The following ATAD3A variants were observed in gnomAD, a reference collection of about 807,000 sequenced individuals.
The protein encoded by ATAD3A is ATPase family AAA domain-containing protein 3A.
Under a neutral mutation model 73.8 loss-of-function variants are expected in ATAD3A, and 46 were observed. The ratio of observed to expected loss-of-function variants is 0.62; its 90% CI spans 0.49 to 0.80. ATAD3A has a LOEUF of 0.80. ATAD3A is among the 30% of genes least tolerant of loss of function. ATAD3A has a pLI of 0.00. For missense variants in ATAD3A, 705 were observed against 838.0 expected (o/e 0.84, Z 1.96); for synonymous variants, 319 against 350.0 (o/e 0.91, Z 0.99).
chr1:1,520,733 A>G lies in ATAD3A; in HGVS notation c.750+116A>G. 6.6e-7 allele frequency: 1 copy of G among 1,519,394 alleles called. No homozygotes were observed. The highest frequency in any genetic ancestry group is 9.0e-7 in the Non-Finnish European group (1 of 1,111,982). 94.1% of individuals were successfully genotyped at this position (1,519,394 alleles called of 1,614,324 possible). A position where few individuals can be genotyped will look rare whatever the true frequency, so the allele number is the denominator to read the frequency against. On this transcript the variant is annotated intron_variant, in intron 7 of 15. Coordinates refer to ENST00000378756, the MANE Select transcript of ATAD3A (RefSeq NM_001170535.3). This position sits in a 1 kb window ranked among gnomAD's most constrained non-coding sequence, Gnocchi z 4.0. ...TGCACAGCCCTGTAGCTCTCCCAGC[A>G]GGGAGGAAGCCCACGTTGTACCTGC...
In ATAD3A at chr1:1,512,283, C is replaced by T. The variant is rs762276120; in HGVS notation, c.15C>T (p.Phe5=). The T allele has an allele frequency of 1.6e-6, 2 of 1,273,750 alleles. No homozygotes were observed. Among genetic ancestry groups the T allele is most frequent in the African/African-American group, 1.5e-5 (1 of 65,308 alleles). 78.9% of individuals were successfully genotyped at this position (1,273,750 alleles called of 1,614,324 possible). A position where few individuals can be genotyped will look rare whatever the true frequency, so the allele number is the denominator to read the frequency against. MSWL[F]GINKGPKGEG... ...GCGGTGCGAGCATGTCGTGGCTCTT[C>T]GGCATTAACAAGGGCCCCAAGGGTG... The change falls in exon 1 of 16, where the codon TTC becomes TTT. Residue 5 remains phenylalanine (F), a synonymous_variant. Coordinates refer to ENST00000378756, the MANE Select transcript of ATAD3A (RefSeq NM_001170535.3).
chr1:1,529,276 G>A lies in ATAD3A; in HGVS notation c.1559G>A (p.Arg520Gln), dbSNP rs1217518616. 4.4e-6 allele frequency: 7 copies of A among 1,607,812 alleles called. No homozygotes were observed. The highest frequency in any genetic ancestry group is 1.6e-4 in the Middle Eastern group (1 of 6,078). Reference sequence around the variant, plus strand: ...GGGAGGAAGTGCTCGGAGGTCGCTCGGCTGACGGAGGGCATGTCGGGCCGG... The same window carrying A: ...GGGAGGAAGTGCTCGGAGGTCGCTCAGCTGACGGAGGGCATGTCGGGCCGG... ...DYGRKCSEVA[R>Q]LTEGMSGREI... The change falls in exon 15 of 16, where the codon CGG (arginine) becomes CAG (glutamine). Residue 520 changes from arginine to glutamine, a missense_variant. Coordinates refer to ENST00000378756, the MANE Select transcript of ATAD3A (RefSeq NM_001170535.3).
rs756589165 is a variant in ATAD3A at position 1,520,326 on chromosome 1, G to A, written c.680+20G>A. Reference sequence around the variant, plus strand: ...CATCAGGTGAGCACTGCCGAGGCCCGGGCCGGCCACAGATGGAGCCCCGCA... The same window carrying A: ...CATCAGGTGAGCACTGCCGAGGCCCAGGCCGGCCACAGATGGAGCCCCGCA... On this transcript the variant is annotated intron_variant, in intron 6 of 15. Transcript: ENST00000378756. This position sits in a 1 kb window ranked among gnomAD's most constrained non-coding sequence, Gnocchi z 4.0. 69 of 1,606,922 alleles carry A rather than the reference G, an allele frequency of 4.3e-5. No homozygotes were observed. Among genetic ancestry groups the A allele is most frequent in the Non-Finnish European group, 5.5e-5 (65 of 1,174,794 alleles).
chr1:1,517,067 G>C (rs1641382289), intron 2 of ATAD3A: 1 of 1,506,440 alleles, frequency 6.6e-7, no homozygotes, highest in African/African-American at 1.4e-5. Flanking sequence ...CAGTCCAAAA[G>C]GGGGTGTCCG....
In ATAD3A at chr1:1,523,740, C is replaced by T. The variant is rs1188817416; in HGVS notation, c.964-99C>T. The T allele has an allele frequency of 1.7e-5, 27 of 1,591,654 alleles. No individual in the cohort carries two copies. Among genetic ancestry groups the T allele is most frequent in the African/African-American group, 2.7e-5 (2 of 74,414 alleles). On this transcript the variant is annotated intron_variant, in intron 9 of 15. Coordinates refer to ENST00000378756, the MANE Select transcript of ATAD3A (RefSeq NM_001170535.3). The surrounding 1 kb of genome is among the most constrained non-coding windows in gnomAD (Gnocchi z 5.1). ...GCTGCCCCTGAGGTGGGAGGCTTCCCGAGGAGCCGAGTCTGCACCCAGGCA... is the reference window on the plus strand; with the variant it reads ...GCTGCCCCTGAGGTGGGAGGCTTCCTGAGGAGCCGAGTCTGCACCCAGGCA...
At chr1:1,518,818 G>T in intron 4 of ATAD3A, 103 bp from the exon 5 acceptor site, 1 of 1,600,118 alleles carries the variant, frequency 6.2e-7, no homozygotes, top group Non-Finnish European at 8.5e-7. Flanking sequence ...CCGCAAACGG[G>T]CACACTCACC....
At chr1:1,525,035 C>T (rs1272936273) in intron 11 of ATAD3A, among the ~76,000 whole-genome samples, 9 of 152,192 alleles carry the variant, frequency 5.9e-5, no homozygotes, top group Non-Finnish European at 1.3e-4. Flanking sequence ...TGGTTTCCCA[C>T]GGCCTTCTGA....
chr1:1,518,185 G>T (rs1321643327), intron 4 of ATAD3A, among the ~76,000 whole-genome samples: 1 of 146,300 alleles, frequency 6.8e-6, no homozygotes, highest in Non-Finnish European at 1.5e-5. Flanking sequence ...CACCCACATG[G>T]ACACTCACAC....
intron 15 of ATAD3A, among the ~76,000 whole-genome samples, chr1:1,529,706 C>T (rs1455708536): frequency 2.0e-5 from 3 of 152,170 alleles, no homozygotes; most frequent in Non-Finnish European, 4.4e-5. Flanking sequence ...GTTGGGGGTT[C>T]GGGGTGGAGG....
At chr1:1,514,599 A>C (rs1641295988) in intron 1 of ATAD3A, among the ~76,000 whole-genome samples, 1 of 152,220 alleles carries the variant, frequency 6.6e-6, no homozygotes, top group Admixed American at 6.5e-5. Context: ...AGGCCCAAGC[A>C]GACCCACCCC....
chr1:1,517,229 C>T (rs751053415), intron 2 of ATAD3A, 82 bp from the exon 3 acceptor site: 15 of 1,545,570 alleles, frequency 9.7e-6, no homozygotes, highest in Admixed American at 4.0e-5. Flanking sequence ...TCTGCCGTGC[C>T]GGAGCCGTGC....
chr1:1,512,798 C>G, intron 1 of ATAD3A: 3 of 1,051,262 alleles, frequency 2.9e-6, no homozygotes, highest in Non-Finnish European at 3.5e-6. Context: ...TCTGCGCTTG[C>G]CGCCTCCACG....
In ATAD3A at chr1:1,516,057, C is replaced by A. The variant is rs546711654; in HGVS notation, c.251C>A (p.Thr84Lys). Residue 84 changes from threonine to lysine, a missense_variant, in exon 2 of 16, where the codon ACG becomes AAG. Coordinates refer to ENST00000378756, the MANE Select transcript of ATAD3A (RefSeq NM_001170535.3). ...ALNLAQMQEQ[T>K]LQLEQQSKLK... The stretch of plus-strand genomic sequence containing the variant: ...AATCTGGCACAGATGCAGGAGCAGA[C>A]GCTGCAGTTGGAGCAACAGTCCAAG... 1 of 1,613,890 alleles carries A rather than the reference C, an allele frequency of 6.2e-7. No homozygotes were observed. The highest frequency in any genetic ancestry group is 8.5e-7 in the Non-Finnish European group (1 of 1,179,942).
At chr1:1,527,617 G>A in intron 13 of ATAD3A, 78 bp from the exon 14 acceptor site, 1 of 1,508,602 alleles carries the variant, frequency 6.6e-7, no homozygotes, top group Non-Finnish European at 8.9e-7. Flanking sequence ...CTCCCTGTGG[G>A]GGCTGAGGAG....
intron 13 of ATAD3A, chr1:1,527,223 C>G: frequency 7.7e-7 from 1 of 1,301,406 alleles, no homozygotes; most frequent in South Asian, 1.2e-5. Context: ...ACTCCTCAGG[C>G]ACGTTGGGCT....
intron 15 of ATAD3A, among the ~76,000 whole-genome samples, chr1:1,531,647 G>A (rs1278276352): frequency 2.7e-5 from 4 of 150,608 alleles, no homozygotes; most frequent in African/African-American, 7.3e-5. Flanking sequence ...ATGTGGTGGC[G>A]GGTGCCTGTA....
intron 2 of ATAD3A, among the ~76,000 whole-genome samples, chr1:1,516,843 C>A (rs961903136): frequency 6.6e-6 from 1 of 152,080 alleles, no homozygotes; most frequent in African/African-American, 2.4e-5. Context: ...CTCCGAGCAG[C>A]TGGGACTACA....
At chr1:1,525,706 G>A (rs563920780) in intron 12 of ATAD3A, among the ~76,000 whole-genome samples, 10 of 151,916 alleles carry the variant, frequency 6.6e-5, no homozygotes, top group South Asian at 2.1e-4. Flanking sequence ...GAGCCACCAC[G>A]CCCAGCCTTT....
chr1:1,517,108 C>G, intron 2 of ATAD3A: 12 of 1,539,500 alleles, frequency 7.8e-6, no homozygotes, highest in Non-Finnish European at 1.1e-5. Context: ...TCGCGGGCTT[C>G]TGCTGGTGCT....
Sources: gnomAD v4.1 joint callset for allele counts (sites outside exome capture counted in the v4.1 genomes callset) on GRCh38, gnomAD v4.1.1 for gene constraint, Gnocchi (gnomAD v3.1) non-coding constraint, MANE v1.5 for transcripts, NCBI Gene and HGNC (gene_info 2026-07-23, HGNC 2026-07-21) for gene names.